Variants in CCDC27 observed in about 807,000 individuals in gnomAD.
CCDC27 encodes coiled-coil domain-containing protein 27.
Under a neutral mutation model 80.3 loss-of-function variants are expected in CCDC27, and 80 were observed. The ratio of observed to expected loss-of-function variants is 1.00; its 90% CI spans 0.83 to 1.20. The LOEUF (loss-of-function observed/expected upper bound fraction) is 1.20, where lower values mean the gene tolerates loss of function less well. CCDC27 is among the 50% of genes most tolerant of loss of function. The pLI is 0.00. For missense variants in CCDC27, 815 were observed against 809.4 expected (o/e 1.01, Z -0.08); for synonymous variants, 342 against 334.3 (o/e 1.02, Z -0.25).
At position 3,771,542 on chromosome 1, in the gene CCDC27, A is replaced by G. The variant is rs1323463236; in HGVS notation, c.*19A>G. 4 of 1,612,306 alleles carry G rather than the reference A, an allele frequency of 2.5e-6. No individual in the cohort carries two copies. Among genetic ancestry groups the G allele is most frequent in the Non-Finnish European group, 2.5e-6 (3 of 1,179,862 alleles). On this transcript the variant is annotated 3_prime_UTR_variant, in exon 12 of 12. Coordinates refer to ENST00000294600, the MANE Select transcript of CCDC27 (RefSeq NM_152492.3). ...CAAGTAGGCCCAGCCAGGCCCCCAA[A>G]TACGGTCAGCCCAGCAGAGGCCGGG...
intron 2 of CCDC27, among the ~76,000 whole-genome samples, chr1:3,754,598 T>G (rs939490748): frequency 6.6e-5 from 10 of 152,100 alleles, no homozygotes; most frequent in Admixed American, 5.9e-4. Flanking sequence ...GATAGCTCAT[T>G]AGGGACAGTG....
At position 3,766,271 on chromosome 1, in the gene CCDC27, G is replaced by C. The variant is rs1643225693; in HGVS notation, c.1453-264G>C. Among the ~76,000 whole-genome samples, 1 of 152,178 alleles carries C rather than the reference G, an allele frequency of 6.6e-6. No homozygotes were observed. The highest frequency in any genetic ancestry group is 1.5e-5 in the Non-Finnish European group (1 of 68,042). On this transcript the variant is annotated intron_variant, in intron 8 of 11. Transcript: ENST00000294600. The surrounding 1 kb of genome is among the most constrained non-coding windows in gnomAD (Gnocchi z 6.1). ...ATGTCTGAGACTTTTAGGAACTCAAGTGTGAATTGGGCTTATTTTCTGCTT... is the reference window on the plus strand; with the variant it reads ...ATGTCTGAGACTTTTAGGAACTCAACTGTGAATTGGGCTTATTTTCTGCTT...
At position 3,766,518 on chromosome 1, in the gene CCDC27, C is replaced by G; in HGVS notation, c.1453-17C>G. On this transcript the variant is annotated splice_polypyrimidine_tract_variant and intron_variant, in intron 8 of 11. Coordinates refer to ENST00000294600, the MANE Select transcript of CCDC27 (RefSeq NM_152492.3). The surrounding 1 kb of genome is among the most constrained non-coding windows in gnomAD (Gnocchi z 6.1). ...AACCTGGGAGTCCCCCAAGCCAACC[C>G]TTCTGTCTCCTTCCAGTTCTCCAAC... 1 of 1,605,166 alleles carries G rather than the reference C, an allele frequency of 6.2e-7. No homozygotes were observed. Among genetic ancestry groups the G allele is most frequent in the Middle Eastern group, 1.7e-4 (1 of 6,024 alleles).
rs57907387 is a variant in CCDC27, at chr1:3,759,216, C to CAA, written c.712-2053_712-2052dup. 4.1e-3 allele frequency among the ~76,000 whole-genome samples: 587 copies of CAA among 144,312 alleles called. 2 individuals are homozygous for CAA. Among genetic ancestry groups the CAA allele is most frequent in the African/African-American group, 0.013 (522 of 39,280 alleles). The allele number at this position is 144,312 out of a possible 152,430, so 94.7% of individuals were successfully genotyped here. ...CAGGCGACAGTGCAAGACTTTGTCT[C>CAA]AAAAAAAAAAAAATCACAAATTCAA... On this transcript the variant is annotated intron_variant, in intron 4 of 11. Coordinates refer to ENST00000294600, the MANE Select transcript of CCDC27 (RefSeq NM_152492.3).
Position 3,761,408 on chromosome 1 carries a change from CA to C in CCDC27, c.840del (p.Ser281ProfsTer15). 6.2e-7 allele frequency: 1 copy of C among 1,613,952 alleles called. No homozygotes were observed. The highest frequency in any genetic ancestry group is 8.5e-7 in the Non-Finnish European group (1 of 1,179,998). ...KCLLKGKGQE[T>X]SMSPGRREQL... ...CTTCTGAAAGGCAAAGGCCAAGAGACATCCATGTCCCCAGGCAGGAGGGTGA... is the reference window on the plus strand; with the variant it reads ...CTTCTGAAAGGCAAAGGCCAAGAGACTCCATGTCCCCAGGCAGGAGGGTGA... On this transcript the variant is annotated frameshift_variant, in exon 5 of 12. Transcript: ENST00000294600. LOFTEE classifies it high-confidence loss of function. This position sits in a 1 kb window ranked among gnomAD's most constrained non-coding sequence, Gnocchi z 5.0.
chr1:3,767,164 G>C, intron 9 of CCDC27, 69 bp from the exon 10 acceptor site: 1 of 1,441,434 alleles, frequency 6.9e-7, no homozygotes, highest in Non-Finnish European at 9.6e-7. Context: ...GGAAAAAGTG[G>C]ATGGGTGCCA....
In CCDC27 at chr1:3,771,567, G is replaced by A; in HGVS notation, c.*44G>A. The A allele has an allele frequency of 6.2e-7, 1 of 1,606,146 alleles. No homozygotes were observed. The highest frequency in any genetic ancestry group is 8.5e-7 in the Non-Finnish European group (1 of 1,177,912). On this transcript the variant is annotated 3_prime_UTR_variant, in exon 12 of 12. Coordinates refer to ENST00000294600, the MANE Select transcript of CCDC27 (RefSeq NM_152492.3). ...ATACGGTCAGCCCAGCAGAGGCCGG[G>A]GCCCAGCTCCAGAACCACCCGCCCC...
Position 3,756,734 on chromosome 1 carries a change from G to T in CCDC27, c.555G>T (p.Gly185=). 1 of 1,613,922 alleles carries T rather than the reference G, an allele frequency of 6.2e-7. No homozygotes were observed. The highest frequency in any genetic ancestry group is 1.7e-5 in the Admixed American group (1 of 60,002). ...ARRGSDTNVD[G]YLLPFSKSIC... is the part of the protein sequence containing the mutation. ...ACTTGGCCTCCGCTGTCGCCACAGG[G>T]TACCTCCTTCCCTTCAGTAAGAGCA... Residue 185 remains glycine, a splice_region_variant and synonymous_variant, in exon 4 of 12, where the codon GGG becomes GGT. Coordinates refer to ENST00000294600, the MANE Select transcript of CCDC27 (RefSeq NM_152492.3).
intron 9 of CCDC27, 99 bp from the exon 10 acceptor site, chr1:3,767,134 T>G: frequency 1.8e-6 from 2 of 1,115,682 alleles, no homozygotes; most frequent in Non-Finnish European, 2.6e-6. Flanking sequence ...CCACTGCACC[T>G]GGCCGCCGGC....
Position 3,763,472 on chromosome 1 carries a change from C to A in CCDC27, c.1319C>A (p.Thr440Lys). 1.3e-6 allele frequency: 2 copies of A among 1,592,030 alleles called. No homozygotes were observed. Among genetic ancestry groups the A allele is most frequent in the Non-Finnish European group, 1.7e-6 (2 of 1,169,122 alleles). Residue 440 changes from threonine (T) to lysine (K), a missense_variant and splice_region_variant, in exon 7 of 12, where the codon ACA becomes AAA. Coordinates refer to ENST00000294600, the MANE Select transcript of CCDC27 (RefSeq NM_152492.3). The surrounding 1 kb of genome is among the most constrained non-coding windows in gnomAD (Gnocchi z 7.5). ...EATRTRYSLATGVIASLQQQV... is the reference protein window; with the variant it reads ...EATRTRYSLAKGVIASLQQQV... ...ACCAGGACCAGATACTCCCTTGCAACAGGTAGGGCCTCGGCGGGGGGCACT... is the reference window on the plus strand; with the variant it reads ...ACCAGGACCAGATACTCCCTTGCAAAAGGTAGGGCCTCGGCGGGGGGCACT...
Position 3,761,242 on chromosome 1 carries a change from T to C in CCDC27, c.712-39T>C. ...GCAGGTCAGGGGAAGAGTGTGTGGC[T>C]GCATGGCCCACGGGGGCTGCCCTTG... On this transcript the variant is annotated intron_variant, in intron 4 of 11. Transcript: ENST00000294600. This position sits in a 1 kb window ranked among gnomAD's most constrained non-coding sequence, Gnocchi z 5.0. 2 of 1,604,484 alleles carry C rather than the reference T, an allele frequency of 1.2e-6. No individual in the cohort carries two copies. Among genetic ancestry groups the C allele is most frequent in the Non-Finnish European group, 1.7e-6 (2 of 1,174,724 alleles).
rs964416109 is a variant in CCDC27 at position 3,768,852 on chromosome 1, C to T, written c.1744-931C>T. Among the ~76,000 whole-genome samples, 21 of 152,288 alleles carry T rather than the reference C, an allele frequency of 1.4e-4. No homozygotes were observed. Among genetic ancestry groups the T allele is most frequent in the African/African-American group, 4.6e-4 (19 of 41,556 alleles). On this transcript the variant is annotated intron_variant, in intron 10 of 11. Transcript: ENST00000294600. The surrounding 1 kb of genome is among the most constrained non-coding windows in gnomAD (Gnocchi z 5.6). ...AGAGGCCCAGCCCCTTGTGACCTCACGACCTCCAGCACCTGGCACGGTGTT... is the reference window on the plus strand; with the variant it reads ...AGAGGCCCAGCCCCTTGTGACCTCATGACCTCCAGCACCTGGCACGGTGTT...
rs1032004695 is a variant in CCDC27 at position 3,769,248 on chromosome 1, C to T, written c.1744-535C>T. On this transcript the variant is annotated intron_variant, in intron 10 of 11. Transcript: ENST00000294600. This position sits in a 1 kb window ranked among gnomAD's most constrained non-coding sequence, Gnocchi z 4.6. ...CAAGGATCTTCATGGCAGCAGAAGA[C>T]GAGAACGCCTTCTGGGTCTGTGCGC... Among the ~76,000 whole-genome samples the T allele has an allele frequency of 2.0e-5, 3 of 152,122 alleles. No homozygotes were observed. The highest frequency in any genetic ancestry group is 6.6e-5 in the Admixed American group (1 of 15,266).
In CCDC27 at chr1:3,769,948, T is replaced by C; in HGVS notation, c.1848+61T>C. ...CCAGACCCCCAGGCCAGAGCTGTGGTAGGGGGTTGTGGGGGGCCTAGATTC... is the reference window on the plus strand; with the variant it reads ...CCAGACCCCCAGGCCAGAGCTGTGGCAGGGGGTTGTGGGGGGCCTAGATTC... On this transcript the variant is annotated intron_variant, in intron 11 of 11. Transcript: ENST00000294600. The surrounding 1 kb of genome is among the most constrained non-coding windows in gnomAD (Gnocchi z 4.6). 4.8e-6 allele frequency: 6 copies of C among 1,245,402 alleles called. No individual in the cohort carries two copies. Among genetic ancestry groups the C allele is most frequent in the Non-Finnish European group, 7.1e-6 (6 of 844,642 alleles). The allele number at this position is 1,245,402 out of a possible 1,614,324, so 77.1% of individuals were successfully genotyped here.
rs775603528 is a variant in CCDC27, at chr1:3,756,902, G to A, written c.711+12G>A. 14 of 1,605,614 alleles carry A rather than the reference G, an allele frequency of 8.7e-6. No homozygotes were observed. The highest frequency in any genetic ancestry group is 2.0e-4 in the Middle Eastern group (1 of 4,972). The stretch of plus-strand genomic sequence containing the variant: ...TCATCCACGAGAAGGTACTGGCGGA[G>A]GGGGTGCAAATCCCGGCCCCCCACC... On this transcript the variant is annotated intron_variant, in intron 4 of 11. Coordinates refer to ENST00000294600, the MANE Select transcript of CCDC27 (RefSeq NM_152492.3).
In CCDC27 at chr1:3,761,658, G is replaced by A. The variant is rs1009160129; in HGVS notation, c.861+228G>A. On this transcript the variant is annotated intron_variant, in intron 5 of 11. Transcript: ENST00000294600. This position sits in a 1 kb window ranked among gnomAD's most constrained non-coding sequence, Gnocchi z 5.0. ...AGAGCCATGAGCTGATGCAACAGGG[G>A]GGGGAGAGATGAATGGAGGCGCAAA... Among the ~76,000 whole-genome samples, 11 of 152,264 alleles carry A rather than the reference G, an allele frequency of 7.2e-5. No individual in the cohort carries two copies. The highest frequency in any genetic ancestry group is 3.4e-3 in the Middle Eastern group (1 of 294).
In CCDC27 at chr1:3,761,694, A is replaced by T. The variant is rs1188175868; in HGVS notation, c.861+264A>T. On this transcript the variant is annotated intron_variant, in intron 5 of 11. Coordinates refer to ENST00000294600, the MANE Select transcript of CCDC27 (RefSeq NM_152492.3). The surrounding 1 kb of genome is among the most constrained non-coding windows in gnomAD (Gnocchi z 5.0). ...GAATGGAGGCGCAAAATGACAAATG[A>T]GAGCCGTGAGCCGATGTCTAGGCAC... is the stretch of plus-strand genomic sequence containing the variant. Among the ~76,000 whole-genome samples, 1 of 152,140 alleles carries T rather than the reference A, an allele frequency of 6.6e-6. No homozygotes were observed. The highest frequency in any genetic ancestry group is 2.4e-5 in the African/African-American group (1 of 41,434).
Position 3,762,636 on chromosome 1 carries a change from C to A in CCDC27, c.878C>A (p.Ala293Asp). The change falls in exon 6 of 12, where the codon GCT (alanine) becomes GAT (aspartate). Residue 293 changes from alanine (A) to aspartate (D), a missense_variant. Coordinates refer to ENST00000294600, the MANE Select transcript of CCDC27 (RefSeq NM_152492.3). Reference protein sequence around the residue: ...SPGRREQLSDASLKLGRLSLL... With the variant: ...SPGRREQLSDDSLKLGRLSLL... ...GTCTTGCAGGAGCAGCTCTCAGACGCTTCGCTGAAGCTGGGCAGGCTGAGC... is the reference window on the plus strand; with the variant it reads ...GTCTTGCAGGAGCAGCTCTCAGACGATTCGCTGAAGCTGGGCAGGCTGAGC... The A allele has an allele frequency of 6.4e-7, 1 of 1,550,696 alleles. No homozygotes were observed.
At chr1:3,759,632 G>A (rs1054742112) in intron 4 of CCDC27, among the ~76,000 whole-genome samples, 1 of 152,134 alleles carries the variant, frequency 6.6e-6, no homozygotes, top group Non-Finnish European at 1.5e-5. Flanking sequence ...TTGGTGATTT[G>A]GTGCAGGGCA....
Sources: allele counts gnomAD v4.1 joint callset (sites outside exome capture counted in the v4.1 genomes callset), GRCh38; gene constraint gnomAD v4.1.1; non-coding constraint Gnocchi (gnomAD v3.1); transcripts MANE v1.5; gene names NCBI Gene and HGNC (gene_info 2026-07-23, HGNC 2026-07-21).